ZNF680: variants seen among roughly 807,000 people sequenced by gnomAD.
The protein encoded by ZNF680 is zinc finger protein 680.
ZNF680 carries 6 observed loss-of-function variants against 12.1 expected under a neutral mutation model. The ratio of observed to expected loss-of-function variants is 0.49; its 90% CI spans 0.27 to 0.98. The LOEUF (loss-of-function observed/expected upper bound fraction) is 0.98. Ranked by LOEUF, ZNF680 falls within the 50% of genes least tolerant of loss-of-function variation. The pLI, the probability that ZNF680 is intolerant of heterozygous loss-of-function variation, is 0.12. For missense variants in ZNF680, 561 were observed against 616.3 expected (o/e 0.91, Z 0.95); for synonymous variants, 170 against 199.3 (o/e 0.85, Z 1.24).
intron 3 of ZNF680, among the ~76,000 whole-genome samples, chr7:64,541,556 G>C (rs1025241464): frequency 7.9e-5 from 12 of 152,164 alleles, no homozygotes; most frequent in African/African-American, 2.9e-4. Context: ...GTGCCTTTAA[G>C]AGAGCTTTGA....
the ZNF680 span, among the ~76,000 whole-genome samples, chr7:64,502,424 T>C: frequency 6.6e-6 from 1 of 152,206 alleles, no homozygotes; most frequent in Non-Finnish European, 1.5e-5. Flanking sequence ...CAATCTCATT[T>C]AGTTGCATAG....
In ZNF680 at chr7:64,521,648, T is replaced by C. The variant is rs1791539330; in HGVS notation, c.1106A>G (p.Lys369Arg). ...FNQFANLTRH[K>R]KIHTGEKSYK... ...GGATTTCTCTCCAGTATGAATTTTC[T>C]TATGTCTAGTAAGGTTTGCAAACTG... The change falls in exon 4 of 4, where the codon AAG becomes AGG. Residue 369 changes from lysine to arginine, a missense_variant. By Grantham distance (26) the Lys-to-Arg change is conservative. Transcript: ENST00000309683. The C allele has an allele frequency of 6.2e-7, 1 of 1,612,364 alleles. No homozygotes were observed. The highest frequency in any genetic ancestry group is 1.1e-5 in the South Asian group (1 of 91,046).
intron 3 of ZNF680, among the ~76,000 whole-genome samples, chr7:64,530,967 T>C (rs184116517): frequency 1.1e-3 from 173 of 151,728 alleles, no homozygotes; most frequent in Non-Finnish European, 2.1e-3. Flanking sequence ...GCACCTAACA[T>C]TGGAGCTTCT....
intron 1 of ZNF680, among the ~76,000 whole-genome samples, chr7:64,550,498 G>T (rs559573539): frequency 6.6e-6 from 1 of 152,302 alleles, no homozygotes; most frequent in South Asian, 2.1e-4. Context: ...TGAATAAATG[G>T]AGTAGTAGCA....
rs1445268447 is a variant in ZNF680, at chr7:64,521,276, T to G, written c.1478A>C (p.Glu493Ala). The stretch of plus-strand genomic sequence containing the variant: ...CCGGTTAAAAGCTTTGCCACATTCT[T>G]CACATTTGTAGGGTTTCTCTCTAGC... The part of the protein sequence containing the change: ...IHAREKPYKC[E>A]ECGKAFNRSS... The change falls in exon 4 of 4, where the codon GAA becomes GCA. Residue 493 changes from glutamate (E) to alanine (A), a missense_variant. Transcript: ENST00000309683. The G allele has an allele frequency of 6.2e-7, 1 of 1,613,648 alleles. No individual in the cohort carries two copies. The highest frequency in any genetic ancestry group is 1.1e-5 in the South Asian group (1 of 91,078).
At chr7:64,513,847 T>C in the ZNF680 span, among the ~76,000 whole-genome samples, 1 of 152,042 alleles carries the variant, frequency 6.6e-6, no homozygotes, top group Non-Finnish European at 1.5e-5. Context: ...GATTTCACCA[T>C]GTTGGCTAGG....
intron 3 of ZNF680, among the ~76,000 whole-genome samples, chr7:64,529,211 A>G (rs573996486): frequency 1.3e-5 from 2 of 152,356 alleles, no homozygotes; most frequent in East Asian, 3.9e-4. Flanking sequence ...GCCACTGCAA[A>G]GGAACCAAAA....
intron 1 of ZNF680, among the ~76,000 whole-genome samples, chr7:64,559,266 C>T (rs1298308377): frequency 1.3e-5 from 2 of 152,070 alleles, no homozygotes; most frequent in Non-Finnish European, 2.9e-5. Flanking sequence ...CATATATCTG[C>T]AATTTTTGAT....
chr7:64,540,361 G>C, intron 3 of ZNF680, among the ~76,000 whole-genome samples: 1 of 144,194 alleles, frequency 6.9e-6, no homozygotes. Flanking sequence ...CTGGAGTACA[G>C]TAGTGCAATC....
chr7:64,501,823 T>C, the ZNF680 span: 1 of 607,356 alleles, frequency 1.6e-6, no homozygotes, highest in Non-Finnish European at 3.1e-6. Context: ...TTCTCTAGTA[T>C]CTTCAGCACA....
At chr7:64,511,845 G>A in the ZNF680 span, among the ~76,000 whole-genome samples, 1 of 149,366 alleles carries the variant, frequency 6.7e-6, no homozygotes, top group South Asian at 2.1e-4. Flanking sequence ...GATCACCTGA[G>A]GTCAGTAGTT....
chr7:64,539,366 AAAAAAAAAAG>A (rs1365222356), intron 3 of ZNF680, among the ~76,000 whole-genome samples: 2,328 of 143,378 alleles, frequency 0.016, 32 homozygotes, highest in African/African-American at 0.032. Context: ...AAAAAAAAAA[AAAAAAAAAAG>A]AAAAGAAAAT....
chr7:64,558,598 T>TA (rs1787548766), intron 1 of ZNF680, among the ~76,000 whole-genome samples: 4 of 152,176 alleles, frequency 2.6e-5, no homozygotes, highest in Admixed American at 2.6e-4. Flanking sequence ...GCAGATGTAG[T>TA]TAAGGTTAAG....
intron 1 of ZNF680, among the ~76,000 whole-genome samples, chr7:64,558,175 G>C (rs77571798): frequency 0.069 from 10,439 of 152,154 alleles, 504 homozygotes; most frequent in Admixed American, 0.11. Flanking sequence ...CCGTTGGTTG[G>C]TGGAGGAAAA....
chr7:64,526,091 C>A (rs139579208), intron 3 of ZNF680: 1,386 of 947,144 alleles, frequency 1.5e-3, no homozygotes, highest in Non-Finnish European at 1.6e-3. Context: ...ATATATAAAA[C>A]AAAAATATAA....
the ZNF680 span, chr7:64,500,882 A>C: frequency 3.6e-6 from 2 of 562,396 alleles, no homozygotes; most frequent in Non-Finnish European, 6.9e-6. Context: ...CCATGTGTTC[A>C]CTGGAAATCT....
intron 3 of ZNF680, among the ~76,000 whole-genome samples, chr7:64,530,997 T>C (rs1213990216): frequency 6.6e-6 from 1 of 151,852 alleles, no homozygotes; most frequent in Non-Finnish European, 1.5e-5. Context: ...AAACAATTAC[T>C]AATAGACCTA....
At chr7:64,511,381 T>C in the ZNF680 span, among the ~76,000 whole-genome samples, 1 of 152,056 alleles carries the variant, frequency 6.6e-6, no homozygotes, top group Non-Finnish European at 1.5e-5. Context: ...TTTCTATGTA[T>C]CAAAAGAAAA....
At chr7:64,546,957 G>A (rs1178330224) in intron 1 of ZNF680, among the ~76,000 whole-genome samples, 1 of 151,840 alleles carries the variant, frequency 6.6e-6, no homozygotes, top group Non-Finnish European at 1.5e-5. Flanking sequence ...TCCTCATTTT[G>A]AGTCACATGA....
Sources: allele counts gnomAD v4.1 joint callset (sites outside exome capture counted in the v4.1 genomes callset), GRCh38; gene constraint gnomAD v4.1.1; transcripts MANE v1.5; gene names NCBI Gene and HGNC (gene_info 2026-07-23, HGNC 2026-07-21).